SLC17A1: variants seen among roughly 807,000 people sequenced by gnomAD.
The protein encoded by SLC17A1 is solute carrier family 17 member 1.
SLC17A1 carries 51 observed loss-of-function variants against 53.5 expected under a neutral mutation model. The ratio of observed to expected loss-of-function variants is 0.95; its 90% CI spans 0.76 to 1.20. The LOEUF is 1.20. Among genes scored for constraint, SLC17A1 ranks in the 50% most tolerant of loss-of-function variants. The pLI, the probability that SLC17A1 is intolerant of heterozygous loss-of-function variation, is 0.00. For missense variants in SLC17A1, 538 were observed against 568.2 expected (o/e 0.95, Z 0.54); for synonymous variants, 179 against 198.8 (o/e 0.90, Z 0.84).
In SLC17A1 at chr6:25,798,908, G is replaced by A. The variant is rs372960186; in HGVS notation, c.1281C>T (p.Ser427=). The change falls in exon 12 of 13, where the codon TCC becomes TCT. Residue 427 remains serine (S), a synonymous_variant. Coordinates refer to ENST00000244527, the MANE Select transcript of SLC17A1 (RefSeq NM_005074.5). ...TGLILKQDPE[S]AWFKTFILMA... ...TCAGGATGAAGGTTTTAAACCAGGC[G>A]GATTCCGGATCCTAAGGAATTAAAA... 22 of 1,578,558 alleles carry A rather than the reference G, an allele frequency of 1.4e-5. No individual in the cohort carries two copies. The highest frequency in any genetic ancestry group is 4.5e-5 in the East Asian group (2 of 44,252).
the SLC17A1 span, chr6:25,769,182 A>G: frequency 6.2e-7 from 1 of 1,613,776 alleles, no homozygotes; most frequent in Non-Finnish European, 8.5e-7. Flanking sequence ...AAAAGAATTT[A>G]AAGCAATGGT....
chr6:25,738,323 A>G, the SLC17A1 span, among the ~76,000 whole-genome samples: 3 of 150,850 alleles, frequency 2.0e-5, no homozygotes, highest in Non-Finnish European at 4.4e-5. Context: ...TGAAGGAAGG[A>G]TAGTGTTTTC....
At chr6:25,734,770 T>A in the SLC17A1 span, among the ~76,000 whole-genome samples, 1 of 152,260 alleles carries the variant, frequency 6.6e-6, no homozygotes, top group Non-Finnish European at 1.5e-5. Context: ...AGATGGATAA[T>A]CTTTGTTTCT....
At chr6:25,763,106 T>C in the SLC17A1 span, among the ~76,000 whole-genome samples, 4 of 152,202 alleles carry the variant, frequency 2.6e-5, no homozygotes, top group Non-Finnish European at 5.9e-5. Flanking sequence ...TGGGCAGTCA[T>C]TGGAAAGTTC....
chr6:25,739,350 T>C, the SLC17A1 span, among the ~76,000 whole-genome samples: 1 of 151,146 alleles, frequency 6.6e-6, no homozygotes, highest in African/African-American at 2.4e-5. Flanking sequence ...CATAATTACA[T>C]TCCCAAAACT....
chr6:25,776,950 T>C, the SLC17A1 span: 1 of 1,612,286 alleles, frequency 6.2e-7, no homozygotes, highest in Non-Finnish European at 8.5e-7. Flanking sequence ...TTCTTGGATA[T>C]TGCTCCTCGG....
chr6:25,731,293 A>G, the SLC17A1 span, among the ~76,000 whole-genome samples: 1 of 152,230 alleles, frequency 6.6e-6, no homozygotes, highest in Non-Finnish European at 1.5e-5. Context: ...TTCTATTTAC[A>G]TCTACAAGGT....
the SLC17A1 span, among the ~76,000 whole-genome samples, chr6:25,731,293 A>C: frequency 6.6e-6 from 1 of 152,230 alleles, no homozygotes; most frequent in Non-Finnish European, 1.5e-5. Flanking sequence ...TTCTATTTAC[A>C]TCTACAAGGT....
At chr6:25,802,895 A>G (rs1037242817) in intron 10 of SLC17A1, among the ~76,000 whole-genome samples, 1 of 79,992 alleles carries the variant, frequency 1.3e-5, no homozygotes, top group Non-Finnish European at 2.9e-5. Flanking sequence ...TTATCCTATT[A>G]TTTATTATTT....
At position 25,800,916 on chromosome 6, in the gene SLC17A1, T is replaced by C; in HGVS notation, c.1243A>G (p.Thr415Ala). ...TGCTTAAGGATCAATCCAGTCAAAGTGGAAGCAATTAGTCCTCCTATCATT... is the reference window on the plus strand; with the variant it reads ...TGCTTAAGGATCAATCCAGTCAAAGCGGAAGCAATTAGTCCTCCTATCATT... ...TGMIGGLIAS[T>A]LTGLILKQDP... Residue 415 changes from threonine to alanine, a missense_variant, in exon 11 of 13, where the codon ACT becomes GCT. Physicochemically the swap from Thr to Ala is moderately conservative, Grantham distance 58. Coordinates refer to ENST00000244527, the MANE Select transcript of SLC17A1 (RefSeq NM_005074.5). 1 of 1,608,516 alleles carries C rather than the reference T, an allele frequency of 6.2e-7. No individual in the cohort carries two copies. The highest frequency in any genetic ancestry group is 8.5e-7 in the Non-Finnish European group (1 of 1,175,094).
chr6:25,789,309 T>A (rs1284024861), intron 12 of SLC17A1, among the ~76,000 whole-genome samples: 1 of 152,136 alleles, frequency 6.6e-6, no homozygotes, highest in African/African-American at 2.4e-5. Flanking sequence ...AAAATAGTAA[T>A]ATATTATAAA....
chr6:25,742,512 C>CA, the SLC17A1 span, among the ~76,000 whole-genome samples: 38,032 of 126,830 alleles, frequency 0.3, 5,993 homozygotes, highest in South Asian at 0.39. Flanking sequence ...AAAAACAATA[C>CA]AAAAAAAAAA....
chr6:25,742,660 C>G, the SLC17A1 span, among the ~76,000 whole-genome samples: 20 of 151,900 alleles, frequency 1.3e-4, no homozygotes, highest in South Asian at 2.3e-3. Context: ...GAAATTTAGT[C>G]GGGTGTGGTG....
the SLC17A1 span, chr6:25,773,582 G>A: frequency 1.2e-6 from 2 of 1,613,932 alleles, no homozygotes; most frequent in Non-Finnish European, 1.7e-6. Context: ...GGCCATTTTA[G>A]TCTCTTATTT....
At chr6:25,790,399 G>C (rs1254383171) in intron 12 of SLC17A1, among the ~76,000 whole-genome samples, 1 of 152,116 alleles carries the variant, frequency 6.6e-6, no homozygotes, top group African/African-American at 2.4e-5. Context: ...ATTAGACAAA[G>C]AGCTTCTATT....
chr6:25,819,099 A>G lies in SLC17A1; in HGVS notation c.585T>C (p.Ser195=). The G allele has an allele frequency of 1.2e-6, 2 of 1,610,738 alleles. No individual in the cohort carries two copies. Among genetic ancestry groups the G allele is most frequent in the South Asian group, 1.1e-5 (1 of 90,254 alleles). ...TATAGAAGACCATGGGCCAGCCCAG[A>G]GATTCACAGATAACTCCAGTCACAA... The part of the protein sequence containing the change: ...VLLVTGVICE[S]LGWPMVFYIF... Residue 195 remains serine (S), a synonymous_variant, in exon 6 of 13, where the codon TCT becomes TCC. Coordinates refer to ENST00000244527, the MANE Select transcript of SLC17A1 (RefSeq NM_005074.5).
chr6:25,810,081 C>T (rs1057334652), intron 10 of SLC17A1, among the ~76,000 whole-genome samples: 26 of 151,960 alleles, frequency 1.7e-4, no homozygotes, highest in Admixed American at 1.6e-3. Flanking sequence ...AATGGAATTA[C>T]ACTCATCGCG....
the SLC17A1 span, among the ~76,000 whole-genome samples, chr6:25,727,865 A>G: frequency 6.6e-6 from 1 of 152,024 alleles, no homozygotes. Context: ...TAAAAATACA[A>G]AAATCAGGTG....
chr6:25,732,631 C>T, the SLC17A1 span: 2 of 1,192,500 alleles, frequency 1.7e-6, no homozygotes, highest in Non-Finnish European at 1.2e-6. Context: ...CTGGAGTTGG[C>T]GGGCAACGCC....
Sources: gnomAD v4.1 joint callset for allele counts (sites outside exome capture counted in the v4.1 genomes callset) on GRCh38, gnomAD v4.1.1 for gene constraint, MANE v1.5 for transcripts, NCBI Gene and HGNC (gene_info 2026-07-23, HGNC 2026-07-21) for gene names.